The following RRAS2 variants were observed in gnomAD, a reference collection of about 807,000 sequenced individuals.
RRAS2 encodes ras-related protein R-Ras2.
In RRAS2, 7 loss-of-function variants were observed where a neutral mutation model predicts 27.6. The observed-to-expected ratio is 0.25, with a 90% confidence interval of 0.14 to 0.48. RRAS2 has a LOEUF of 0.48. Among genes scored for constraint, RRAS2 ranks in the 20% least tolerant of loss-of-function variants. RRAS2 has a pLI of 0.99. For missense variants in RRAS2, 178 were observed against 256.2 expected, an observed-to-expected ratio of 0.69 and a Z score of 2.08; for synonymous variants, 86 against 90.9, an observed-to-expected ratio of 0.95 and a Z score of 0.31.
intron 1 of RRAS2, among the ~76,000 whole-genome samples, chr11:14,311,867 CTT>C (rs879992402): frequency 6.8e-6 from 1 of 146,610 alleles, no homozygotes; most frequent in East Asian, 2.0e-4. Flanking sequence ...CTGTGAAAAA[CTT>C]TTTTTTTTTT....
At chr11:14,296,933 G>A (rs1289421206) in intron 1 of RRAS2, among the ~76,000 whole-genome samples, 1 of 152,060 alleles carries the variant, frequency 6.6e-6, no homozygotes, top group Non-Finnish European at 1.5e-5. Flanking sequence ...GGAGGCTGAG[G>A]TGAAAGGATC....
chr11:14,360,776 T>C (rs893709969), upstream of RRAS2, among the ~76,000 whole-genome samples: 2 of 151,072 alleles, frequency 1.3e-5, no homozygotes, highest in Non-Finnish European at 3.0e-5. Flanking sequence ...CAAAAATTAG[T>C]CCGGAGTGGT....
Position 14,279,354 on chromosome 11 carries a change from G to C in RRAS2, c.598C>G (p.His200Asp). The change falls in exon 6 of 6, where the codon CAT becomes GAT. Residue 200 changes from histidine to aspartate, a missense_variant. His to Asp is a moderately conservative substitution (Grantham distance 81, BLOSUM62 -1). Coordinates refer to ENST00000256196, the MANE Select transcript of RRAS2 (RefSeq NM_012250.6). The stretch of plus-strand genomic sequence containing the variant: ...AAGGGATTCTAGAAAATGACACAAT[G>C]GCAGCCTTTCTTGTCTTTTTCTTTC... ...TRKEKDKKGC[H>D]CVIF 10 of 1,609,534 alleles carry C rather than the reference G, an allele frequency of 6.2e-6. No individual in the cohort carries two copies. Among genetic ancestry groups the C allele is most frequent in the Non-Finnish European group, 8.5e-6 (10 of 1,175,948 alleles).
At chr11:14,318,326 C>A (rs1351652396) in intron 1 of RRAS2, among the ~76,000 whole-genome samples, 1 of 152,046 alleles carries the variant, frequency 6.6e-6, no homozygotes, top group Non-Finnish European at 1.5e-5. Context: ...TGGAAAAGCC[C>A]CATCTCTACC....
chr11:14,362,711 G>T (rs1367219629), upstream of RRAS2, among the ~76,000 whole-genome samples: 2 of 152,172 alleles, frequency 1.3e-5, no homozygotes, highest in Admixed American at 1.3e-4. Context: ...TGTGACAAGG[G>T]AGAGAATTTC....
At chr11:14,290,454 G>GA (rs1262758587) in intron 4 of RRAS2, among the ~76,000 whole-genome samples, 5 of 151,602 alleles carry the variant, frequency 3.3e-5, no homozygotes, top group Non-Finnish European at 5.9e-5. Flanking sequence ...TTTCAGGGGG[G>GA]AAAAAAAAGG....
intron 1 of RRAS2, among the ~76,000 whole-genome samples, chr11:14,339,306 A>G (rs782030847): frequency 0.06 from 3,676 of 61,144 alleles, 89 homozygotes; most frequent in Middle Eastern, 0.11. Context: ...GGGGGGGGGG[A>G]AGAAAAAATC....
At chr11:14,325,970 G>A (rs1554950958) in intron 1 of RRAS2, among the ~76,000 whole-genome samples, 3 of 152,200 alleles carry the variant, frequency 2.0e-5, no homozygotes, top group Non-Finnish European at 4.4e-5. Context: ...GGAGGATCAA[G>A]TCTGGAATCT....
At chr11:14,316,753 A>G (rs1848117941) in intron 1 of RRAS2, among the ~76,000 whole-genome samples, 1 of 152,226 alleles carries the variant, frequency 6.6e-6, no homozygotes, top group Non-Finnish European at 1.5e-5. Flanking sequence ...AAACAATCCA[A>G]AAACAGTGTC....
chr11:14,305,749 T>C (rs1410055472), intron 1 of RRAS2, among the ~76,000 whole-genome samples: 18 of 152,194 alleles, frequency 1.2e-4, no homozygotes, highest in African/African-American at 2.4e-5. Flanking sequence ...AGACCTGTTA[T>C]TAAACTCAGT....
At chr11:14,304,028 T>C (rs1177046593) in intron 1 of RRAS2, among the ~76,000 whole-genome samples, 1 of 152,200 alleles carries the variant, frequency 6.6e-6, no homozygotes, top group Non-Finnish European at 1.5e-5. Flanking sequence ...AGTGTCCCTT[T>C]CTAGATGGCT....
At chr11:14,282,224 T>C (rs181459292) in intron 4 of RRAS2, among the ~76,000 whole-genome samples, 3 of 152,234 alleles carry the variant, frequency 2.0e-5, no homozygotes, top group Admixed American at 2.0e-4. Flanking sequence ...TGGAATACAT[T>C]AAGCAAAGAG....
chr11:14,339,942 C>T (rs1253799421), intron 1 of RRAS2, among the ~76,000 whole-genome samples: 1 of 151,634 alleles, frequency 6.6e-6, no homozygotes, highest in Non-Finnish European at 1.5e-5. Context: ...GGAGAGACCC[C>T]GTCCCTACTA....
At chr11:14,360,403 C>CT (rs1233124562), upstream of RRAS2, among the ~76,000 whole-genome samples, 98 of 149,150 alleles carry the variant, frequency 6.6e-4, 1 homozygote, top group Middle Eastern at 6.9e-3. Context: ...TTTTAAAAAT[C>CT]TTTTTTTTTT....
intron 1 of RRAS2, among the ~76,000 whole-genome samples, chr11:14,308,855 C>T (rs1847891039): frequency 6.6e-6 from 1 of 152,170 alleles, no homozygotes; most frequent in Admixed American, 6.5e-5. Context: ...GGCAGTCAGA[C>T]CTACATACCC....
At chr11:14,293,118 A>ATAT (rs1847448935) in intron 4 of RRAS2, among the ~76,000 whole-genome samples, 1 of 65,072 alleles carries the variant, frequency 1.5e-5, no homozygotes, top group African/African-American at 6.1e-5. Context: ...AAAACAAAAC[A>ATAT]AAACAAATAT....
chr11:14,327,922 G>C (rs1554951261), intron 1 of RRAS2, among the ~76,000 whole-genome samples: 1 of 152,168 alleles, frequency 6.6e-6, no homozygotes, highest in African/African-American at 2.4e-5. Flanking sequence ...GGAAAGCATG[G>C]AGGAAAAAAC....
At chr11:14,345,963 C>A (rs1159369605) in intron 1 of RRAS2, among the ~76,000 whole-genome samples, 3 of 152,182 alleles carry the variant, frequency 2.0e-5, no homozygotes, top group African/African-American at 7.2e-5. Context: ...CAAATATATT[C>A]TTCCACACAA....
rs1402178618 is a variant in RRAS2 at position 14,279,255 on chromosome 11, G to C, written c.*82C>G. 3.0e-6 allele frequency: 3 copies of C among 984,800 alleles called. No individual in the cohort carries two copies. Among genetic ancestry groups the C allele is most frequent in the Admixed American group, 3.4e-5 (2 of 58,434 alleles). 61.0% of individuals were successfully genotyped at this position (984,800 alleles called of 1,614,324 possible). A position where few individuals can be genotyped will look rare whatever the true frequency, so the allele number is the denominator to read the frequency against. On this transcript the variant is annotated 3_prime_UTR_variant, in exon 6 of 6. Coordinates refer to ENST00000256196, the MANE Select transcript of RRAS2 (RefSeq NM_012250.6). Reference sequence around the variant, plus strand: ...GTGATCATTTGTCTAAGGCTAGAAAGGTACCAACAAGATGTAAACTGAGGA... The same window carrying C: ...GTGATCATTTGTCTAAGGCTAGAAACGTACCAACAAGATGTAAACTGAGGA...
Sources: allele counts gnomAD v4.1 joint callset (sites outside exome capture counted in the v4.1 genomes callset), GRCh38; gene constraint gnomAD v4.1.1; transcripts MANE v1.5; gene names NCBI Gene and HGNC (gene_info 2026-07-23, HGNC 2026-07-21).